The following RANBP2 variants were observed in gnomAD, a reference collection of about 807,000 sequenced individuals.
The protein encoded by RANBP2 is E3 SUMO-protein ligase RanBP2.
Under a neutral mutation model 303.6 loss-of-function variants are expected in RANBP2, and 57 were observed. The ratio of observed to expected loss-of-function variants is 0.19; its 90% CI spans 0.15 to 0.23. RANBP2 has a LOEUF of 0.23. RANBP2 is among the 10% of genes least tolerant of loss of function. The probability of loss-of-function intolerance (pLI) is 1.00; values close to 1 mark genes in which losing one functional copy is unlikely to be tolerated. For missense variants in RANBP2, 3,138 were observed against 3,780.8 expected (o/e 0.83, Z 4.46); for synonymous variants, 1,167 against 1,301.5 (o/e 0.90, Z 2.23).
the RANBP2 span, among the ~76,000 whole-genome samples, chr2:109,331,148 C>T: frequency 6.6e-6 from 1 of 152,172 alleles, no homozygotes; most frequent in Non-Finnish European, 1.5e-5. Flanking sequence ...TTCATTCTTC[C>T]CCATCCTTTA....
the RANBP2 span, among the ~76,000 whole-genome samples, chr2:109,249,167 C>T: frequency 1.3e-5 from 2 of 152,232 alleles, no homozygotes; most frequent in East Asian, 3.9e-4. Flanking sequence ...CAGGTGTGGG[C>T]CACCACACCT....
At chr2:109,379,580 C>T in the RANBP2 span, among the ~76,000 whole-genome samples, 4,775 of 152,266 alleles carry the variant, frequency 0.031, 240 homozygotes, top group African/African-American at 0.1. Context: ...CCAGGGAACG[C>T]TGGGGAAGAT....
chr2:108,741,538 C>T (rs577326899), intron 7 of RANBP2, among the ~76,000 whole-genome samples: 202 of 86,448 alleles, frequency 2.3e-3, no homozygotes, highest in African/African-American at 9.0e-3. Context: ...TGGAATCTTG[C>T]TCTGTCGCCC....
the RANBP2 span, among the ~76,000 whole-genome samples, chr2:109,023,542 C>T: frequency 6.6e-6 from 1 of 152,202 alleles, no homozygotes; most frequent in East Asian, 1.9e-4. Context: ...ATGGCTCATA[C>T]TTGCAATCCC....
At chr2:109,372,914 C>G in the RANBP2 span, among the ~76,000 whole-genome samples, 12 of 152,232 alleles carry the variant, frequency 7.9e-5, no homozygotes, top group Non-Finnish European at 1.5e-4. Context: ...AAACATCTGT[C>G]AATTCCCCGT....
chr2:109,031,511 C>A, the RANBP2 span, among the ~76,000 whole-genome samples: 1 of 152,242 alleles, frequency 6.6e-6, no homozygotes, highest in African/African-American at 2.4e-5. Flanking sequence ...GCGCTCAGAC[C>A]CAGCAGTCGG....
chr2:108,958,712 C>T, the RANBP2 span, among the ~76,000 whole-genome samples: 2 of 152,300 alleles, frequency 1.3e-5, no homozygotes, highest in Admixed American at 1.3e-4. Context: ...TGTTGGAACA[C>T]CCCTAGATAT....
the RANBP2 span, chr2:109,504,501 AC>A: frequency 9.9e-6 from 1 of 101,428 alleles, no homozygotes; most frequent in Non-Finnish European, 2.7e-5. Context: ...GTTCACACAC[AC>A]AAACACACAC....
chr2:108,969,688 C>T, the RANBP2 span, among the ~76,000 whole-genome samples: 1 of 152,214 alleles, frequency 6.6e-6, no homozygotes, highest in Non-Finnish European at 1.5e-5. Flanking sequence ...ACTAAAGGCA[C>T]AGCACCATCT....
At chr2:108,906,798 C>T in the RANBP2 span, among the ~76,000 whole-genome samples, 1,212 of 152,340 alleles carry the variant, frequency 8.0e-3, 24 homozygotes, top group African/African-American at 0.026. Flanking sequence ...TGAAGAGTCC[C>T]GGGGCCATGG....
At chr2:108,797,962 ATT>A in the RANBP2 span, among the ~76,000 whole-genome samples, 237 of 141,188 alleles carry the variant, frequency 1.7e-3, 1 homozygote, top group African/African-American at 3.6e-3. Context: ...ACGGTGTGTG[ATT>A]TTTTTTTTTT....
chr2:109,572,718 G>A, the RANBP2 span, among the ~76,000 whole-genome samples: 1 of 148,430 alleles, frequency 6.7e-6, no homozygotes, highest in Non-Finnish European at 1.5e-5. Flanking sequence ...CTGGGTTCAA[G>A]CAATTCTCCT....
At position 108,784,828 on chromosome 2, in the gene RANBP2, G is replaced by A. The variant is rs991626934; in HGVS notation, c.*927G>A. 8 of 125,340 alleles carry A rather than the reference G, an allele frequency of 6.4e-5. No individual in the cohort carries two copies. The highest frequency in any genetic ancestry group is 3.6e-4 in the Admixed American group (5 of 13,914). 7.8% of individuals were successfully genotyped at this position (125,340 alleles called of 1,614,324 possible). A position where few individuals can be genotyped will look rare whatever the true frequency, so the allele number is the denominator to read the frequency against. ...CCAAAAAATTCATTACTTACGCTTC[G>A]GGTTCATTCTAAAGTAAGGAAGACA... On this transcript the variant is annotated 3_prime_UTR_variant, in exon 29 of 29. Coordinates refer to ENST00000283195, the MANE Select transcript of RANBP2 (RefSeq NM_006267.5).
chr2:108,884,824 C>G, the RANBP2 span: 1 of 152,214 alleles, frequency 6.6e-6, no homozygotes, highest in East Asian at 1.9e-4. Context: ...CTTGTCACTC[C>G]TGGGTGCAGG....
chr2:108,720,586 C>T (rs1694156492), intron 1 of RANBP2, among the ~76,000 whole-genome samples: 1 of 152,164 alleles, frequency 6.6e-6, no homozygotes, highest in Non-Finnish European at 1.5e-5. Context: ...ATAATCACAG[C>T]ACTGTCGTTT....
the RANBP2 span, among the ~76,000 whole-genome samples, chr2:109,332,432 C>G: frequency 1.3e-5 from 2 of 152,198 alleles, no homozygotes; most frequent in African/African-American, 4.8e-5. Flanking sequence ...GGGTGCAGGT[C>G]TTCCTGGACG....
Position 108,763,391 on chromosome 2 carries a change from C to A in RANBP2, c.2852C>A (p.Thr951Lys). 1 of 1,613,952 alleles carries A rather than the reference C, an allele frequency of 6.2e-7. No individual in the cohort carries two copies. Among genetic ancestry groups the A allele is most frequent in the Non-Finnish European group, 8.5e-7 (1 of 1,179,962 alleles). ...PPALRFESPA[T>K]GILSPRGDDY... ...GCATTGCGTTTTGAGTCTCCTGCAA[C>A]GGGAATTCTATCGCCCAGGGGTGAT... The change falls in exon 20 of 29, where the codon ACG (threonine) becomes AAG (lysine). Residue 951 changes from threonine (T) to lysine (K), a missense_variant. Coordinates refer to ENST00000283195, the MANE Select transcript of RANBP2 (RefSeq NM_006267.5).
the RANBP2 span, among the ~76,000 whole-genome samples, chr2:109,157,829 A>G: frequency 6.6e-6 from 1 of 152,240 alleles, no homozygotes. Context: ...GTATGGGAGG[A>G]GCACTGCAAA....
chr2:109,592,035 C>T, the RANBP2 span, among the ~76,000 whole-genome samples: 10 of 152,072 alleles, frequency 6.6e-5, no homozygotes, highest in African/African-American at 2.4e-4. Flanking sequence ...ATTACCAAAC[C>T]CCTCCCCACA....
Sources: gnomAD v4.1 joint callset for allele counts (sites outside exome capture counted in the v4.1 genomes callset) on GRCh38, gnomAD v4.1.1 for gene constraint, MANE v1.5 for transcripts, NCBI Gene and HGNC (gene_info 2026-07-23, HGNC 2026-07-21) for gene names.